SNTG1: variants seen among roughly 807,000 people sequenced by gnomAD.
SNTG1 encodes the protein gamma-1-syntrophin.
Under a neutral mutation model 74.7 loss-of-function variants are expected in SNTG1, and 39 were observed. That is an observed-to-expected ratio of 0.52 (90% CI 0.40 to 0.68). The LOEUF (loss-of-function observed/expected upper bound fraction) is 0.68. Among genes scored for constraint, SNTG1 ranks in the 30% least tolerant of loss-of-function variants. The pLI is 0.00. For missense variants in SNTG1, 685 were observed against 609.5 expected (o/e 1.12, Z -1.30); for synonymous variants, 254 against 217.1 (o/e 1.17, Z -1.49).
intron 2 of SNTG1, among the ~76,000 whole-genome samples, chr8:50,240,252 T>C (rs2086107776): frequency 6.6e-6 from 1 of 152,196 alleles, no homozygotes; most frequent in Non-Finnish European, 1.5e-5. Flanking sequence ...TTGCGTATTG[T>C]TTGCTTTCAC....
At chr8:50,558,631 G>T (rs1247710861) in intron 12 of SNTG1, among the ~76,000 whole-genome samples, 19 of 150,604 alleles carry the variant, frequency 1.3e-4, no homozygotes, top group Admixed American at 1.3e-3. Context: ...AAAGATGGCT[G>T]CAGTGTTTTT....
intron 4 of SNTG1, among the ~76,000 whole-genome samples, chr8:50,416,332 A>G (rs985817881): frequency 6.6e-6 from 1 of 152,166 alleles, no homozygotes; most frequent in African/African-American, 2.4e-5. Flanking sequence ...CTCCTGCTTC[A>G]TTCCATTCTA....
At chr8:50,730,665 T>C (rs531542998) in intron 17 of SNTG1, among the ~76,000 whole-genome samples, 26 of 152,304 alleles carry the variant, frequency 1.7e-4, no homozygotes, top group African/African-American at 5.3e-4. Flanking sequence ...TGCTATGAAT[T>C]TTATGACATG....
intron 13 of SNTG1, among the ~76,000 whole-genome samples, chr8:50,610,714 T>C (rs2094843763): frequency 6.6e-6 from 1 of 152,164 alleles, no homozygotes; most frequent in African/African-American, 2.4e-5. Context: ...ACAAAGTAAG[T>C]AATTTCATCG....
At chr8:50,097,030 C>T (rs1033904798) in intron 1 of SNTG1, among the ~76,000 whole-genome samples, 5 of 151,938 alleles carry the variant, frequency 3.3e-5, no homozygotes, top group Admixed American at 3.3e-4. Context: ...GGTGCAGTGG[C>T]GTGATCTCTG....
intron 18 of SNTG1, among the ~76,000 whole-genome samples, chr8:50,786,852 A>AATAT (rs1253356662): frequency 6.6e-6 from 1 of 152,024 alleles, no homozygotes; most frequent in Admixed American, 6.6e-5. Flanking sequence ...TGAATCATCA[A>AATAT]ATATATCTAA....
intron 9 of SNTG1, among the ~76,000 whole-genome samples, chr8:50,514,373 T>C (rs1246013349): frequency 1.3e-5 from 2 of 151,972 alleles, no homozygotes; most frequent in Non-Finnish European, 2.9e-5. Context: ...TAAAATTTTC[T>C]CTCTTTGTAA....
At chr8:50,219,920 A>G (rs1318255195) in intron 2 of SNTG1, among the ~76,000 whole-genome samples, 1 of 151,098 alleles carries the variant, frequency 6.6e-6, no homozygotes, top group Non-Finnish European at 1.5e-5. Flanking sequence ...TAAGACCAAA[A>G]GCTTTTCTTG....
At chr8:50,776,473 TATAA>T (rs1160035076) in intron 18 of SNTG1, among the ~76,000 whole-genome samples, 6 of 147,566 alleles carry the variant, frequency 4.1e-5, no homozygotes, top group Non-Finnish European at 6.0e-5. Context: ...ACTTATGTAC[TATAA>T]ATATTGTTTA....
At chr8:50,402,426 A>G in intron 4 of SNTG1, 82 bp downstream of exon 4, 2 of 1,469,770 alleles carry the variant, frequency 1.4e-6, no homozygotes, top group Non-Finnish European at 9.1e-7. Context: ...CATTTTAAAT[A>G]TGTTTTTCTT....
intron 9 of SNTG1, among the ~76,000 whole-genome samples, chr8:50,512,753 G>T (rs1202644522): frequency 6.6e-6 from 1 of 152,100 alleles, no homozygotes; most frequent in Non-Finnish European, 1.5e-5. Context: ...TCGTACCTTG[G>T]TTTTCAGATC....
chr8:50,758,597 T>G (rs186255620), intron 18 of SNTG1, among the ~76,000 whole-genome samples: 1 of 152,096 alleles, frequency 6.6e-6, no homozygotes, highest in African/African-American at 2.4e-5. Context: ...CTTGTGTTAC[T>G]TTGCTGAGAA....
At chr8:50,154,787 G>T (rs1474236821) in intron 1 of SNTG1, among the ~76,000 whole-genome samples, 1 of 152,142 alleles carries the variant, frequency 6.6e-6, no homozygotes, top group Admixed American at 6.5e-5. Context: ...CCATCGATTG[G>T]AAGTGACCAA....
At chr8:50,419,627 G>A (rs2093056608) in intron 4 of SNTG1, among the ~76,000 whole-genome samples, 3 of 152,116 alleles carry the variant, frequency 2.0e-5, no homozygotes, top group African/African-American at 7.2e-5. Context: ...TATCAGTGGA[G>A]GCTTAGTAGG....
rs568678808 is a variant in SNTG1 at position 50,039,454 on chromosome 8, C to CAA, written c.-103+127251_-103+127252dup. Among the ~76,000 whole-genome samples the CAA allele has an allele frequency of 7.3e-3, 338 of 46,154 alleles. 40 individuals carry two copies. Among genetic ancestry groups the CAA allele is most frequent in the South Asian group, 8.3e-3 (6 of 720 alleles). The allele number at this position is 46,154 out of a possible 152,430, so 30.3% of individuals were successfully genotyped here. On this transcript the variant is annotated intron_variant, in intron 1 of 18. Coordinates refer to ENST00000642720, the MANE Select transcript of SNTG1 (RefSeq NM_018967.5). Reference sequence around the variant, plus strand: ...TGGGTGACAGAGCAAGACTCCGTCTCAAAAAAAAAAAAAAAAAAAAAAAAA... The same window carrying CAA: ...TGGGTGACAGAGCAAGACTCCGTCTCAAAAAAAAAAAAAAAAAAAAAAAAAAA...
chr8:50,248,374 A>G (rs2086493342), intron 2 of SNTG1, among the ~76,000 whole-genome samples: 1 of 152,198 alleles, frequency 6.6e-6, no homozygotes, highest in Admixed American at 6.5e-5. Context: ...CTCTTCAGCC[A>G]TATTATTTTA....
intron 1 of SNTG1, among the ~76,000 whole-genome samples, chr8:50,131,911 G>A (rs939876225): frequency 9.9e-5 from 15 of 151,866 alleles, no homozygotes; most frequent in African/African-American, 3.4e-4. Flanking sequence ...ATCTTACTGT[G>A]GTTTTGATTT....
At chr8:50,241,734 G>A (rs1173384838) in intron 2 of SNTG1, among the ~76,000 whole-genome samples, 1 of 152,162 alleles carries the variant, frequency 6.6e-6, no homozygotes, top group African/African-American at 2.4e-5. Flanking sequence ...AACTAAGGTA[G>A]AACTATATTG....
intron 1 of SNTG1, among the ~76,000 whole-genome samples, chr8:50,171,471 C>A (rs1188445430): frequency 6.6e-6 from 1 of 152,090 alleles, no homozygotes; most frequent in African/African-American, 2.4e-5. Context: ...TATATCCTGG[C>A]AAAGCTGGCA....
Sources: gnomAD v4.1 joint callset for allele counts (sites outside exome capture counted in the v4.1 genomes callset) on GRCh38, gnomAD v4.1.1 for gene constraint, MANE v1.5 for transcripts, NCBI Gene and HGNC (gene_info 2026-07-23, HGNC 2026-07-21) for gene names.